TTC39C: variants seen among roughly 807,000 people sequenced by gnomAD.
The protein encoded by TTC39C is tetratricopeptide repeat protein 39C.
In TTC39C, 33 loss-of-function variants were observed where a neutral mutation model predicts 76.3. The ratio of observed to expected loss-of-function variants is 0.43; its 90% CI spans 0.33 to 0.58. TTC39C has a LOEUF of 0.58. Among genes scored for constraint, TTC39C ranks in the 20% least tolerant of loss-of-function variants. TTC39C has a pLI of 0.04. For missense variants in TTC39C, 595 were observed against 701.4 expected (o/e 0.85, Z 1.71); for synonymous variants, 254 against 260.6 (o/e 0.97, Z 0.24).
chr18:24,033,400 T>C (rs2083696329), intron 1 of TTC39C, among the ~76,000 whole-genome samples: 2 of 152,238 alleles, frequency 1.3e-5, no homozygotes, highest in South Asian at 4.1e-4. Flanking sequence ...TGCTTCCTCC[T>C]GACACAGGGT....
intron 1 of TTC39C, among the ~76,000 whole-genome samples, chr18:24,033,422 G>A (rs1046008339): frequency 2.0e-5 from 3 of 152,080 alleles, no homozygotes; most frequent in African/African-American, 4.8e-5. Context: ...TTCATTGCAC[G>A]TTGAATCTCT....
At chr18:23,999,605 G>A (rs2163070) in intron 1 of TTC39C, among the ~76,000 whole-genome samples, 132,705 of 152,204 alleles carry the variant, frequency 0.87, 60,425 homozygotes, top group East Asian at 1. Context: ...AACAGCCGGT[G>A]CCCTGTGCTA....
At chr18:23,997,397 G>A (rs1383940425) in intron 1 of TTC39C, among the ~76,000 whole-genome samples, 6 of 151,570 alleles carry the variant, frequency 4.0e-5, no homozygotes, top group African/African-American at 9.7e-5. Flanking sequence ...CTAAAAATAC[G>A]AAAATTAGCC....
intron 1 of TTC39C, among the ~76,000 whole-genome samples, chr18:24,044,254 G>C (rs1005790798): frequency 7.9e-5 from 12 of 152,180 alleles, no homozygotes; most frequent in African/African-American, 2.7e-4. Flanking sequence ...TGGATGTGCA[G>C]AGGCTGCGAG....
intron 13 of TTC39C, among the ~76,000 whole-genome samples, chr18:24,132,201 A>C (rs557072657): frequency 6.6e-6 from 1 of 152,216 alleles, no homozygotes; most frequent in Non-Finnish European, 1.5e-5. Context: ...TGAATTAAGA[A>C]TTTCTAATAG....
In TTC39C at chr18:24,083,044, T is replaced by C; in HGVS notation, c.947T>C (p.Leu316Pro). The change falls in exon 6 of 14, where the codon CTC (leucine) becomes CCC (proline). Residue 316 changes from leucine to proline, a missense_variant. By Grantham distance (98) the Leu-to-Pro change is moderately conservative. Transcript: ENST00000317571. ...KKEAAYPNSSLFMFFKGRIQR... is the reference protein window; with the variant it reads ...KKEAAYPNSSPFMFFKGRIQR... Reference sequence around the variant, plus strand: ...GAAGCTGCTTATCCAAATTCTTCCCTCTTTATGTTTTTCAAGGGACGGATA... The same window carrying C: ...GAAGCTGCTTATCCAAATTCTTCCCCCTTTATGTTTTTCAAGGGACGGATA... The C allele has an allele frequency of 6.2e-7, 1 of 1,614,088 alleles. No individual in the cohort carries two copies. Among genetic ancestry groups the C allele is most frequent in the Non-Finnish European group, 8.5e-7 (1 of 1,179,966 alleles).
intron 6 of TTC39C, among the ~76,000 whole-genome samples, chr18:24,085,532 T>A (rs1484486360): frequency 6.6e-6 from 1 of 152,220 alleles, no homozygotes; most frequent in African/African-American, 2.4e-5. Flanking sequence ...ATACTAAACA[T>A]AAGCAGTCAT....
At chr18:24,118,554 T>A (rs2084924448) in intron 8 of TTC39C, among the ~76,000 whole-genome samples, 1 of 152,186 alleles carries the variant, frequency 6.6e-6, no homozygotes. Flanking sequence ...TTGCCCTAAG[T>A]TGCCTCAACC....
chr18:24,131,841 T>C, intron 12 of TTC39C, 41 bp from the exon 13 acceptor site: 2 of 1,591,234 alleles, frequency 1.3e-6, no homozygotes, highest in Non-Finnish European at 1.7e-6. Flanking sequence ...CCTGCGTATA[T>C]ATAAACACAG....
chr18:24,093,070 A>G (rs1279906059), intron 6 of TTC39C, among the ~76,000 whole-genome samples: 2 of 152,226 alleles, frequency 1.3e-5, no homozygotes, highest in African/African-American at 2.4e-5. Flanking sequence ...CTTAGATTGT[A>G]GTAGTAGTTG....
intron 6 of TTC39C, among the ~76,000 whole-genome samples, chr18:24,105,219 A>G (rs1454695702): frequency 1.3e-5 from 2 of 152,212 alleles, no homozygotes; most frequent in African/African-American, 4.8e-5. Context: ...GAAATAAGAT[A>G]TACACATGGC....
At chr18:24,075,450 G>A (rs1663359) in intron 4 of TTC39C, among the ~76,000 whole-genome samples, 1 of 152,130 alleles carries the variant, frequency 6.6e-6, no homozygotes, top group South Asian at 2.1e-4. Flanking sequence ...TTGGGAGGCC[G>A]AAGTGGGTGG....
At chr18:23,995,956 T>C (rs1008148142) in intron 1 of TTC39C, among the ~76,000 whole-genome samples, 1 of 152,270 alleles carries the variant, frequency 6.6e-6, no homozygotes, top group Non-Finnish European at 1.5e-5. Context: ...GGATCGTATG[T>C]TAAGTATATG....
At chr18:24,130,212 CAG>C (rs1294855494) in intron 11 of TTC39C, 99 bp from the exon 12 acceptor site, 3 of 533,634 alleles carry the variant, frequency 5.6e-6, no homozygotes, top group African/African-American at 4.1e-5. Context: ...ATCTAGAAAA[CAG>C]AGTATGAGTC....
chr18:24,103,416 A>G (rs1342647222), intron 6 of TTC39C, among the ~76,000 whole-genome samples: 1 of 152,238 alleles, frequency 6.6e-6, no homozygotes, highest in Non-Finnish European at 1.5e-5. Flanking sequence ...GGAGATGTGC[A>G]GAACATCCTT....
At chr18:23,996,848 G>T (rs925407950) in intron 1 of TTC39C, among the ~76,000 whole-genome samples, 1 of 151,652 alleles carries the variant, frequency 6.6e-6, no homozygotes, top group Non-Finnish European at 1.5e-5. Context: ...AGTGGCTCAC[G>T]CCTGTAATCC....
intron 6 of TTC39C, among the ~76,000 whole-genome samples, chr18:24,109,832 C>A (rs1205320750): frequency 6.6e-6 from 1 of 152,016 alleles, no homozygotes; most frequent in Non-Finnish European, 1.5e-5. Flanking sequence ...TGGTGAAACC[C>A]TGTCTCTAGT....
chr18:24,039,728 C>G (rs2083769916), intron 1 of TTC39C, among the ~76,000 whole-genome samples: 1 of 152,140 alleles, frequency 6.6e-6, no homozygotes, highest in Non-Finnish European at 1.5e-5. Context: ...GGAAAGAAAA[C>G]AAGTTAGAGA....
chr18:24,084,015 A>C (rs1382074263), intron 6 of TTC39C, among the ~76,000 whole-genome samples: 1 of 152,144 alleles, frequency 6.6e-6, no homozygotes, highest in Non-Finnish European at 1.5e-5. Context: ...TTTCATGGGC[A>C]CAGGAATAAT....
Sources: gnomAD v4.1 joint callset for allele counts (sites outside exome capture counted in the v4.1 genomes callset) on GRCh38, gnomAD v4.1.1 for gene constraint, MANE v1.5 for transcripts, NCBI Gene and HGNC (gene_info 2026-07-23, HGNC 2026-07-21) for gene names.